Variants in FAM47E observed in about 807,000 individuals in gnomAD.
The protein encoded by FAM47E is family with sequence similarity 47 member E, also known as protein FAM47E.
Under a neutral mutation model 41.6 loss-of-function variants are expected in FAM47E, and 32 were observed. The observed-to-expected ratio is 0.77, with a 90% CI of 0.58 to 1.03. The LOEUF is 1.03. FAM47E is among the 50% of genes least tolerant of loss of function. The pLI is 0.00. For synonymous variants in FAM47E, 184 were observed against 188.7 expected (o/e 0.98, Z 0.20); for missense variants, 424 against 485.4 (o/e 0.87, Z 1.19).
At chr4:76,278,372 TAAG>T in intron 6 of FAM47E, 148 bp downstream of exon 6, 1 of 804,072 alleles carries the variant, frequency 1.2e-6, no homozygotes, top group Non-Finnish European at 1.7e-6. Context: ...AGGAGAAAGC[TAAG>T]TAATGTTAAG....
At chr4:76,256,990 C>T (rs959034507) in intron 2 of FAM47E, among the ~76,000 whole-genome samples, 1 of 152,134 alleles carries the variant, frequency 6.6e-6, no homozygotes, top group Admixed American at 6.5e-5. Context: ...TCCTAATGGT[C>T]CAGACTAGGG....
chr4:76,243,364 C>G (rs1418079471), intron 2 of FAM47E, among the ~76,000 whole-genome samples: 1 of 152,152 alleles, frequency 6.6e-6, no homozygotes, highest in African/African-American at 2.4e-5. Flanking sequence ...TTTGACAACA[C>G]CTCCTGCTTT....
At chr4:76,228,423 A>G (rs1837867) in intron 2 of FAM47E, among the ~76,000 whole-genome samples, 31,403 of 151,374 alleles carry the variant, frequency 0.21, 3,454 homozygotes, top group East Asian at 0.36. Context: ...AGGTTACAGC[A>G]AGCTGAGATT....
chr4:76,282,891 G>A (rs1735415422), intron 7 of FAM47E: 1 of 153,174 alleles, frequency 6.5e-6, no homozygotes, highest in South Asian at 2.1e-4. Context: ...ATATATGTGT[G>A]TGTATGTGTG....
intron 1 of FAM47E, among the ~76,000 whole-genome samples, chr4:76,252,400 T>A (rs938358447): frequency 2.0e-5 from 3 of 152,148 alleles, no homozygotes; most frequent in Non-Finnish European, 4.4e-5. Context: ...GAGAATGGAA[T>A]TCGTCTGTCT....
At chr4:76,249,448 C>T (rs912793452), upstream of FAM47E, among the ~76,000 whole-genome samples, 7 of 152,162 alleles carry the variant, frequency 4.6e-5, no homozygotes, top group African/African-American at 1.7e-4. Flanking sequence ...TTAGGAAACT[C>T]TACCTCTTGC....
chr4:76,254,907 A>T (rs549211762), intron 1 of FAM47E, among the ~76,000 whole-genome samples: 1 of 152,106 alleles, frequency 6.6e-6, no homozygotes, highest in Non-Finnish European at 1.5e-5. Flanking sequence ...CATCTCATCT[A>T]TATGCCCTAA....
chr4:76,215,292 A>G (rs1733184201), intron 1 of FAM47E, among the ~76,000 whole-genome samples: 1 of 152,208 alleles, frequency 6.6e-6, no homozygotes, highest in Admixed American at 6.5e-5. Flanking sequence ...GCTCTGAGTT[A>G]AGTAACCTAA....
At chr4:76,273,449 C>T (rs775487816) in intron 5 of FAM47E, among the ~76,000 whole-genome samples, 2 of 149,282 alleles carry the variant, frequency 1.3e-5, no homozygotes, top group African/African-American at 2.6e-5. Context: ...AAAGGTCTTG[C>T]CTTCCTGTCT....
chr4:76,282,582 A>G (rs1735402526), intron 7 of FAM47E: 1 of 152,308 alleles, frequency 6.6e-6, no homozygotes. Flanking sequence ...ACAATCCTGC[A>G]TGCAATTTTG....
intron 1 of FAM47E, among the ~76,000 whole-genome samples, chr4:76,253,663 G>A (rs1734065127): frequency 6.6e-6 from 1 of 152,050 alleles, no homozygotes; most frequent in Admixed American, 6.5e-5. Flanking sequence ...CGGTAGCCAG[G>A]CATGGTGGCA....
intron 3 of FAM47E, among the ~76,000 whole-genome samples, chr4:76,264,117 G>T (rs929832149): frequency 2.6e-5 from 4 of 152,154 alleles, no homozygotes; most frequent in Non-Finnish European, 4.4e-5. Context: ...AACAGTGAAG[G>T]TTAGAAAATC....
At chr4:76,258,242 A>G (rs750608373) in intron 2 of FAM47E, among the ~76,000 whole-genome samples, 1 of 152,224 alleles carries the variant, frequency 6.6e-6, no homozygotes, top group Non-Finnish European at 1.5e-5. Flanking sequence ...TAGCAACCCC[A>G]GCAGAAAGAG....
chr4:76,256,389 AAGG>A lies in FAM47E; in HGVS notation c.288_290del (p.Glu97del). On this transcript the variant is annotated inframe_deletion, in exon 2 of 8. Transcript: ENST00000424749. The stretch of plus-strand genomic sequence containing the variant: ...AAAGAAGAGGCAGATCAAGCTGCTC[AAGG>A]AAGCAGACGTGCTTTCCAAGCTCTC... 6.4e-7 allele frequency: 1 copy of A among 1,552,144 alleles called. No homozygotes were observed. Among genetic ancestry groups the A allele is most frequent in the Non-Finnish European group, 8.7e-7 (1 of 1,147,314 alleles).
At chr4:76,257,708 TC>T (rs1314040533) in intron 2 of FAM47E, among the ~76,000 whole-genome samples, 2 of 152,064 alleles carry the variant, frequency 1.3e-5, no homozygotes, top group African/African-American at 4.8e-5. Flanking sequence ...TCCCTTTAGA[TC>T]GATGCTCAAA....
At chr4:76,244,738 C>T (rs1733787916) in intron 2 of FAM47E, among the ~76,000 whole-genome samples, 1 of 151,842 alleles carries the variant, frequency 6.6e-6, no homozygotes. Context: ...CGGGGTTTCA[C>T]CATCTTGGCC....
At chr4:76,242,189 C>G (rs1313035111) in intron 2 of FAM47E, among the ~76,000 whole-genome samples, 1 of 152,074 alleles carries the variant, frequency 6.6e-6, no homozygotes, top group Non-Finnish European at 1.5e-5. Flanking sequence ...ATGTAATCCC[C>G]AGTGTTGGAG....
intron 2 of FAM47E, among the ~76,000 whole-genome samples, chr4:76,241,567 G>T (rs914493344): frequency 6.6e-6 from 1 of 152,106 alleles, no homozygotes; most frequent in Non-Finnish European, 1.5e-5. Flanking sequence ...GCTACTATTG[G>T]CTATTACTGT....
intron 2 of FAM47E, among the ~76,000 whole-genome samples, chr4:76,245,253 A>C (rs769958346): frequency 6.6e-6 from 1 of 152,176 alleles, no homozygotes; most frequent in African/African-American, 2.4e-5. Context: ...AAGTGTGTAA[A>C]ACTAAGATTT....
Sources: allele counts gnomAD v4.1 joint callset (sites outside exome capture counted in the v4.1 genomes callset), GRCh38; gene constraint gnomAD v4.1.1; transcripts MANE v1.5; gene names NCBI Gene and HGNC (gene_info 2026-07-23, HGNC 2026-07-21).